Variants in LRRN2 observed in about 807,000 individuals in gnomAD.
The protein encoded by LRRN2 is leucine-rich repeat neuronal protein 2.
A neutral mutation model predicts 35.7 loss-of-function variants in LRRN2; 10 were observed. That is an observed-to-expected ratio of 0.28 (90% confidence interval 0.17 to 0.47). LRRN2 has a LOEUF of 0.47. Among genes scored for constraint, LRRN2 ranks in the 20% least tolerant of loss-of-function variants. The pLI is 0.99. For missense variants in LRRN2, 731 were observed against 940.3 expected, an observed-to-expected ratio of 0.78 and a Z score of 2.91; for synonymous variants, 391 against 409.6, an observed-to-expected ratio of 0.95 and a Z score of 0.55.
chr1:204,677,062 CTTA>C (rs1558424361), intron 1 of LRRN2, among the ~76,000 whole-genome samples: 1 of 152,144 alleles, frequency 6.6e-6, no homozygotes, highest in Non-Finnish European at 1.5e-5. Flanking sequence ...AACGTTAGCT[CTTA>C]TTATTATTAA....
intron 1 of LRRN2, among the ~76,000 whole-genome samples, chr1:204,676,139 CGTGTGTGTGTGTGTGT>C (rs56189865): frequency 1.3e-5 from 2 of 148,866 alleles, no homozygotes; most frequent in African/African-American, 5.0e-5. Context: ...TACATGGAGC[CGTGTGTGTGTGTGTGT>C]GTGTGTGTGT....
At chr1:204,676,139 CGTGTGTGT>C (rs56189865) in intron 1 of LRRN2, among the ~76,000 whole-genome samples, 8 of 148,862 alleles carry the variant, frequency 5.4e-5, no homozygotes, top group South Asian at 2.2e-4. Flanking sequence ...TACATGGAGC[CGTGTGTGT>C]GTGTGTGTGT....
chr1:204,652,190 G>GACGGAAAA (rs1668241926), intron 1 of LRRN2, among the ~76,000 whole-genome samples: 1 of 152,052 alleles, frequency 6.6e-6, no homozygotes, highest in Non-Finnish European at 1.5e-5. Flanking sequence ...GAGAAAGGGA[G>GACGGAAAA]ACGGAAAAAC....
chr1:204,678,497 A>T (rs1668872637), intron 1 of LRRN2, among the ~76,000 whole-genome samples: 1 of 152,140 alleles, frequency 6.6e-6, no homozygotes, highest in Non-Finnish European at 1.5e-5. Flanking sequence ...ACCCTGCAAG[A>T]GCCCATCTTA....
rs1236787849 is a variant in LRRN2 at position 204,671,040 on chromosome 1, AGAG to A, written c.-227+14277_-227+14279del. Among the ~76,000 whole-genome samples, 7 of 152,330 alleles carry A rather than the reference AGAG, an allele frequency of 4.6e-5. No individual in the cohort carries two copies. In the East Asian group the frequency reaches 1.3e-3, roughly 29 times the overall value. Reference sequence around the variant, plus strand: ...GTGAGAAGGCTGTTTCTGAGAAGGCAGAGGAGAGGACCTAGAACATGGGTGGTG... The same window carrying A: ...GTGAGAAGGCTGTTTCTGAGAAGGCAGAGAGGACCTAGAACATGGGTGGTG... On this transcript the variant is annotated intron_variant, in intron 1 of 1. Transcript: ENST00000367177.
intron 1 of LRRN2, among the ~76,000 whole-genome samples, chr1:204,660,132 C>T (rs561446784): frequency 6.6e-6 from 1 of 152,348 alleles, no homozygotes; most frequent in East Asian, 1.9e-4. Flanking sequence ...CAGGGGGTGA[C>T]AGCAGGCCAA....
intron 1 of LRRN2, among the ~76,000 whole-genome samples, chr1:204,654,102 G>C (rs112854198): frequency 0.021 from 3,184 of 151,600 alleles, 97 homozygotes; most frequent in African/African-American, 0.06. Flanking sequence ...GCTGAAGCTG[G>C]GATTTGAATC....
In LRRN2 at chr1:204,661,196, T is replaced by C. The variant is rs541293540; in HGVS notation, c.-227+24124A>G. Among the ~76,000 whole-genome samples the C allele has an allele frequency of 6.0e-4, 91 of 152,280 alleles. 2 individuals are homozygous for C. The highest frequency in any genetic ancestry group is 1.8e-3 in the Admixed American group (27 of 15,288). Reference sequence around the variant, plus strand: ...TTAAGAGTGGGCAGAAGTGATACAATGTGGAGCAAAAGAATACAAATACTC... The same window carrying C: ...TTAAGAGTGGGCAGAAGTGATACAACGTGGAGCAAAAGAATACAAATACTC... On this transcript the variant is annotated intron_variant, in intron 1 of 1. Transcript: ENST00000367177.
intron 1 of LRRN2, among the ~76,000 whole-genome samples, chr1:204,672,641 C>T (rs1328521029): frequency 1.3e-5 from 2 of 152,206 alleles, no homozygotes; most frequent in Non-Finnish European, 2.9e-5. Flanking sequence ...AGGCAGAAGT[C>T]CATCTGCTGG....
At chr1:204,630,289 G>C (rs1489198338) in intron 1 of LRRN2, among the ~76,000 whole-genome samples, 1 of 151,160 alleles carries the variant, frequency 6.6e-6, no homozygotes, top group Non-Finnish European at 1.5e-5. Context: ...ACTGAGGAAA[G>C]GACCCTCAGG....
chr1:204,617,729 C>T lies in LRRN2; in HGVS notation c.*122G>A. The T allele has an allele frequency of 1.8e-6, 2 of 1,134,142 alleles. No homozygotes were observed. The highest frequency in any genetic ancestry group is 1.3e-6 in the Non-Finnish European group (1 of 771,156). 70.3% of individuals were successfully genotyped at this position (1,134,142 alleles called of 1,614,324 possible). A position where few individuals can be genotyped will look rare whatever the true frequency, so the allele number is the denominator to read the frequency against. On this transcript the variant is annotated 3_prime_UTR_variant, in exon 2 of 2. Coordinates refer to ENST00000367177, the MANE Select transcript of LRRN2 (RefSeq NM_201630.2). ...CAAAGCCCCATCTGTCTTGGCCCAG[C>T]TGCCAGGCCTCAAGCACGTGGGTCC... is the stretch of plus-strand genomic sequence containing the variant.
chr1:204,624,929 G>A (rs1337125214), intron 1 of LRRN2, among the ~76,000 whole-genome samples: 1 of 152,232 alleles, frequency 6.6e-6, no homozygotes, highest in Non-Finnish European at 1.5e-5. Context: ...CAGCAGATAA[G>A]CGCTGGGTGG....
chr1:204,637,263 G>A (rs987821096), intron 1 of LRRN2, among the ~76,000 whole-genome samples: 2 of 152,172 alleles, frequency 1.3e-5, no homozygotes, highest in African/African-American at 2.4e-5. Flanking sequence ...TTCCTCTGCC[G>A]TCCACATGTG....
chr1:204,648,545 G>A (rs933907945), intron 1 of LRRN2, among the ~76,000 whole-genome samples: 4 of 152,192 alleles, frequency 2.6e-5, no homozygotes, highest in Admixed American at 1.3e-4. Context: ...AGGTCCTCTT[G>A]TATGGCCCTG....
chr1:204,640,520 A>T (rs899541750), intron 1 of LRRN2, among the ~76,000 whole-genome samples: 4 of 152,166 alleles, frequency 2.6e-5, no homozygotes, highest in African/African-American at 9.7e-5. Flanking sequence ...TAGCAAACGG[A>T]GCCTGTAGAA....
intron 1 of LRRN2, among the ~76,000 whole-genome samples, chr1:204,638,733 G>A (rs1425468350): frequency 2.0e-5 from 3 of 152,164 alleles, no homozygotes; most frequent in Non-Finnish European, 4.4e-5. Context: ...AGTACATAGC[G>A]AGGAAGCAAT....
At chr1:204,641,689 A>G (rs2102602048) in intron 1 of LRRN2, among the ~76,000 whole-genome samples, 1 of 152,358 alleles carries the variant, frequency 6.6e-6, no homozygotes, top group Non-Finnish European at 1.5e-5. Context: ...AACAAAAGCC[A>G]CAATGTAAGT....
chr1:204,626,955 C>T (rs200453832), intron 1 of LRRN2: 1 of 146,916 alleles, frequency 6.8e-6, no homozygotes, highest in Middle Eastern at 3.4e-3. Flanking sequence ...TTTTCTTTTT[C>T]TTTTTTTTTT....
Position 204,669,929 on chromosome 1 carries a change from G to A in LRRN2, c.-227+15391C>T, listed in dbSNP as rs1668670461. Among the ~76,000 whole-genome samples the A allele has an allele frequency of 2.6e-5, 4 of 152,296 alleles. No individual in the cohort carries two copies. In the South Asian group the frequency reaches 8.3e-4, roughly 32 times the overall value. The stretch of plus-strand genomic sequence containing the variant: ...TAGGTCAGATTTGTGTCCTTAAAAG[G>A]TCAGTCCAGCAGCAATTCAGAGACC... On this transcript the variant is annotated intron_variant, in intron 1 of 1. Coordinates refer to ENST00000367177, the MANE Select transcript of LRRN2 (RefSeq NM_201630.2).
Sources: gnomAD v4.1 joint callset for allele counts (sites outside exome capture counted in the v4.1 genomes callset) on GRCh38, gnomAD v4.1.1 for gene constraint, MANE v1.5 for transcripts, NCBI Gene and HGNC (gene_info 2026-07-23, HGNC 2026-07-21) for gene names.